Variants in TACC2 observed in about 807,000 individuals in gnomAD.
TACC2 encodes the protein transforming acidic coiled-coil-containing protein 2.
Under a neutral mutation model 227.3 loss-of-function variants are expected in TACC2, and 137 were observed. The ratio of observed to expected loss-of-function variants is 0.60; its 90% CI spans 0.52 to 0.69. The LOEUF (loss-of-function observed/expected upper bound fraction) is 0.69. TACC2 is among the 30% of genes least tolerant of loss of function. TACC2 has a pLI of 0.00. For missense variants in TACC2, 3,470 were observed against 3,694.4 expected (o/e 0.94, Z 1.57); for synonymous variants, 1,523 against 1,487.5 (o/e 1.02, Z -0.55).
At chr10:122,244,972 T>C (rs918444289) in intron 19 of TACC2, 1 of 152,246 alleles carries the variant, frequency 6.6e-6, no homozygotes, top group Non-Finnish European at 1.5e-5. Flanking sequence ...GTTGTTGCAA[T>C]TGATTTTTTT....
chr10:121,993,398 T>TA (rs1447220057), intron 1 of TACC2, among the ~76,000 whole-genome samples: 3 of 152,204 alleles, frequency 2.0e-5, no homozygotes, highest in African/African-American at 7.2e-5. Flanking sequence ...TCACATGAGA[T>TA]AAAATCCCTA....
intron 2 of TACC2, among the ~76,000 whole-genome samples, chr10:122,029,420 T>G (rs1449304996): frequency 1.3e-5 from 2 of 152,196 alleles, no homozygotes; most frequent in African/African-American, 2.4e-5. Context: ...TGTTGAAGAC[T>G]TTTGTATCTA....
intron 3 of TACC2, among the ~76,000 whole-genome samples, chr10:122,078,256 T>G (rs2079055383): frequency 6.6e-6 from 1 of 150,704 alleles, no homozygotes. Flanking sequence ...AGTCAGTGTT[T>G]AGTACATGGC....
intron 3 of TACC2, among the ~76,000 whole-genome samples, chr10:122,062,370 C>T (rs951141390): frequency 6.6e-6 from 1 of 151,446 alleles, no homozygotes; most frequent in African/African-American, 2.4e-5. Flanking sequence ...ACAATGACGC[C>T]ATCTTGGCTA....
intron 8 of TACC2, among the ~76,000 whole-genome samples, chr10:122,196,891 AC>A (rs1295531404): frequency 6.8e-6 from 1 of 146,422 alleles, no homozygotes; most frequent in Non-Finnish European, 1.5e-5. Flanking sequence ...AGCGGAGATC[AC>A]ACCACTGCAC....
Position 122,085,991 on chromosome 10 carries a change from A to G in TACC2, c.3491A>G (p.His1164Arg), listed in dbSNP as rs776487415. The G allele has an allele frequency of 3.1e-6, 5 of 1,613,874 alleles. No individual in the cohort carries two copies. The highest frequency in any genetic ancestry group is 4.2e-6 in the Non-Finnish European group (5 of 1,180,024). Residue 1164 changes from histidine (H) to arginine (R), a missense_variant, in exon 4 of 23, where the codon CAC (histidine) becomes CGC (arginine). Coordinates refer to ENST00000369005, the MANE Select transcript of TACC2 (RefSeq NM_206862.4). ...AGTTGTGGCCTCCTTCAGACTGAGC[A>G]CTGCCTTACCTCCGGGGAGGAAGCT... ...TLSCGLLQTE[H>R]CLTSGEEAST...
At position 122,087,439 on chromosome 10, in the gene TACC2, A is replaced by G. The variant is rs147738883; in HGVS notation, c.4939A>G (p.Asn1647Asp). 56 of 1,613,942 alleles carry G rather than the reference A, an allele frequency of 3.5e-5. No individual in the cohort carries two copies. Among genetic ancestry groups the G allele is most frequent in the Middle Eastern group, 1.6e-4 (1 of 6,084 alleles). Residue 1647 changes from asparagine to aspartate, a missense_variant, in exon 4 of 23, where the codon AAC becomes GAC. Physicochemically the swap from Asn to Asp is conservative, Grantham distance 23. Coordinates refer to ENST00000369005, the MANE Select transcript of TACC2 (RefSeq NM_206862.4). ...QREVLTVPEA[N>D]SEPWTLDTLG... ...GGAGGTTTTGACTGTGCCTGAGGCCAACAGTGAGCCCTGGACCCTTGACAC... is the reference window on the plus strand; with the variant it reads ...GGAGGTTTTGACTGTGCCTGAGGCCGACAGTGAGCCCTGGACCCTTGACAC...
chr10:122,124,409 T>A (rs1197315253), intron 5 of TACC2, among the ~76,000 whole-genome samples: 2 of 152,146 alleles, frequency 1.3e-5, no homozygotes, highest in African/African-American at 4.8e-5. Context: ...CCCCTCCAAT[T>A]AGTCTCCACT....
chr10:122,216,350 A>G (rs562318046), intron 10 of TACC2, among the ~76,000 whole-genome samples: 1 of 151,618 alleles, frequency 6.6e-6, no homozygotes, highest in East Asian at 2.0e-4. Flanking sequence ...ACTAGCAGGA[A>G]TGCTCAAGTA....
intron 2 of TACC2, among the ~76,000 whole-genome samples, chr10:122,025,580 A>T (rs10887050): frequency 0.035 from 2,928 of 84,654 alleles, 81 homozygotes; most frequent in African/African-American, 0.11. Flanking sequence ...TATTTATTTT[A>T]TTTTTTTTTT....
intron 2 of TACC2, among the ~76,000 whole-genome samples, chr10:122,029,762 G>A (rs949858743): frequency 6.6e-6 from 1 of 152,008 alleles, no homozygotes; most frequent in South Asian, 2.1e-4. Flanking sequence ...GCACAGTATG[G>A]GCCACTAGGC....
chr10:122,230,250 C>T (rs1251232017), intron 15 of TACC2, 101 bp from the exon 16 acceptor site: 4 of 972,782 alleles, frequency 4.1e-6, no homozygotes, highest in South Asian at 1.3e-5. Flanking sequence ...GAGTGCCTGT[C>T]ATGACACATT....
intron 2 of TACC2, among the ~76,000 whole-genome samples, chr10:122,030,529 G>T (rs980721060): frequency 6.6e-6 from 1 of 152,182 alleles, no homozygotes; most frequent in South Asian, 2.1e-4. Flanking sequence ...ATGCTGGTGT[G>T]GGGGTTCAAT....
chr10:122,188,851 A>G (rs1337720383), intron 7 of TACC2, among the ~76,000 whole-genome samples: 3 of 152,278 alleles, frequency 2.0e-5, no homozygotes, highest in South Asian at 2.1e-4. Context: ...ATGTGTTGTC[A>G]TCTGCTTTGA....
chr10:122,185,832 T>C (rs1346777675), intron 7 of TACC2, among the ~76,000 whole-genome samples: 1 of 152,234 alleles, frequency 6.6e-6, no homozygotes, highest in Non-Finnish European at 1.5e-5. Flanking sequence ...CTAGAGAAAA[T>C]ACAAGGACTT....
chr10:122,112,736 A>G (rs1360538176), intron 5 of TACC2, among the ~76,000 whole-genome samples: 1 of 152,200 alleles, frequency 6.6e-6, no homozygotes, highest in Non-Finnish European at 1.5e-5. Flanking sequence ...AAGAACAGTA[A>G]CAAGTTGTCA....
intron 7 of TACC2, among the ~76,000 whole-genome samples, chr10:122,149,919 C>T (rs1331797685): frequency 1.3e-5 from 2 of 152,204 alleles, no homozygotes; most frequent in Non-Finnish European, 2.9e-5. Flanking sequence ...TACGCTGAGC[C>T]ACGTCACCGG....
chr10:122,035,655 G>A (rs1293745834), intron 2 of TACC2, among the ~76,000 whole-genome samples: 3 of 152,024 alleles, frequency 2.0e-5, no homozygotes, highest in East Asian at 1.9e-4. Context: ...TAAGTGGACC[G>A]TTCAGTGGAA....
chr10:122,085,823 C>T lies in TACC2; in HGVS notation c.3323C>T (p.Ala1108Val), dbSNP rs2080039617. The T allele has an allele frequency of 1.9e-6, 3 of 1,612,858 alleles. No homozygotes were observed. The highest frequency in any genetic ancestry group is 8.5e-7 in the Non-Finnish European group (1 of 1,179,314). Residue 1108 changes from alanine (A) to valine (V), a missense_variant, in exon 4 of 23, where the codon GCA (alanine) becomes GTA (valine). Physicochemically the swap from Ala to Val is moderately conservative, Grantham distance 64 (BLOSUM62 0). Around this residue, in one of 10 missense-constraint regions of TACC2, gnomAD observed 1,924 missense variants for 1,978.3 expected, o/e 0.97. Coordinates refer to ENST00000369005, the MANE Select transcript of TACC2 (RefSeq NM_206862.4). ...ATGGAGTGCTGGGCCACTTCGGATG[C>T]AGAGTCCCCAAAGCTTCTTGCAAGT... is the stretch of plus-strand genomic sequence containing the variant. Reference protein sequence around the residue: ...QKMECWATSDAESPKLLASFP... With the variant: ...QKMECWATSDVESPKLLASFP...
Sources: allele counts gnomAD v4.1 joint callset (sites outside exome capture counted in the v4.1 genomes callset), GRCh38; gene constraint gnomAD v4.1.1; regional missense constraint gnomAD v4.1.1; transcripts MANE v1.5; gene names NCBI Gene and HGNC (gene_info 2026-07-23, HGNC 2026-07-21).